The following SLC2A14 variants were observed in gnomAD, a reference collection of about 807,000 sequenced individuals.
SLC2A14 encodes the protein solute carrier family 2 member 14.
SLC2A14 carries 13 observed loss-of-function variants against 43.0 expected under a neutral mutation model. The observed-to-expected ratio is 0.30, with a 90% CI of 0.20 to 0.48. SLC2A14 has a LOEUF of 0.48. Ranked by LOEUF, SLC2A14 falls within the 20% of genes least tolerant of loss-of-function variation. SLC2A14 has a pLI of 0.99. For synonymous variants in SLC2A14, 190 were observed against 233.8 expected (o/e 0.81, Z 1.71); for missense variants, 428 against 620.4 (o/e 0.69, Z 3.29).
intron 2 of SLC2A14, among the ~76,000 whole-genome samples, chr12:7,858,413 C>T (rs944312498): frequency 2.0e-5 from 3 of 152,162 alleles, no homozygotes; most frequent in African/African-American, 7.2e-5. Context: ...CCTTATCATA[C>T]ACATGATTTG....
At chr12:7,869,623 C>T (rs943980012) in intron 2 of SLC2A14, among the ~76,000 whole-genome samples, 1 of 152,100 alleles carries the variant, frequency 6.6e-6, no homozygotes, top group African/African-American at 2.4e-5. Flanking sequence ...TTTTATCATT[C>T]GTCTTGTTCT....
upstream of SLC2A14, among the ~76,000 whole-genome samples, chr12:7,877,005 CTT>C (rs57906469): frequency 0.011 from 1,469 of 132,860 alleles, 12 homozygotes; most frequent in African/African-American, 0.035. Context: ...AATTTTTTTT[CTT>C]TTTTTTTTTT....
At chr12:7,828,294 G>GT (rs1864674700) in intron 6 of SLC2A14, among the ~76,000 whole-genome samples, 1 of 151,954 alleles carries the variant, frequency 6.6e-6, no homozygotes, top group Non-Finnish European at 1.5e-5. Context: ...GAACCTGGGA[G>GT]GCAGAGGTTG....
chr12:7,839,789 G>A (rs1044465148), intron 2 of SLC2A14: 30 of 452,368 alleles, frequency 6.6e-5, no homozygotes, highest in Admixed American at 6.4e-4. Flanking sequence ...AAGGGGCTTC[G>A]GAGGCCAGGC....
chr12:7,831,077 T>C (rs1303804989), intron 4 of SLC2A14, among the ~76,000 whole-genome samples: 3 of 150,040 alleles, frequency 2.0e-5, no homozygotes, highest in Admixed American at 6.7e-5. Flanking sequence ...TGAGCTGAGA[T>C]TGCACCATTG....
At chr12:7,863,976 T>C (rs1241816196) in intron 2 of SLC2A14, among the ~76,000 whole-genome samples, 2 of 151,842 alleles carry the variant, frequency 1.3e-5, no homozygotes, top group African/African-American at 4.8e-5. Flanking sequence ...CCACCATGCC[T>C]GGCTAATTTT....
intron 2 of SLC2A14, among the ~76,000 whole-genome samples, chr12:7,841,179 TAC>T (rs1427847726): frequency 2.0e-5 from 3 of 152,158 alleles, no homozygotes; most frequent in African/African-American, 7.2e-5. Flanking sequence ...GAGCAGAAAG[TAC>T]ACAGAGTTCC....
intron 2 of SLC2A14, among the ~76,000 whole-genome samples, chr12:7,835,371 C>T (rs766374198): frequency 9.9e-5 from 15 of 152,008 alleles, no homozygotes; most frequent in East Asian, 1.9e-4. Context: ...TGGGTGCCAG[C>T]GAGACTGTCT....
intron 6 of SLC2A14, among the ~76,000 whole-genome samples, chr12:7,828,251 G>C (rs1222324518): frequency 6.6e-6 from 1 of 151,904 alleles, no homozygotes; most frequent in Non-Finnish European, 1.5e-5. Flanking sequence ...TGTAGTCCCA[G>C]CTACTCGGGA....
At chr12:7,822,814 G>A (rs952030467) in intron 7 of SLC2A14, among the ~76,000 whole-genome samples, 2 of 152,108 alleles carry the variant, frequency 1.3e-5, no homozygotes, top group African/African-American at 2.4e-5. Context: ...CAAGTTGCTG[G>A]GATTATAGGC....
chr12:7,882,859 A>G (rs1219174324), intron 1 of SLC2A14, among the ~76,000 whole-genome samples: 1 of 148,704 alleles, frequency 6.7e-6, no homozygotes, highest in Non-Finnish European at 1.5e-5. Context: ...AGACTTGTTC[A>G]CCACTTGGAA....
chr12:7,842,008 AAG>A (rs1565535485), intron 2 of SLC2A14, among the ~76,000 whole-genome samples: 1 of 151,086 alleles, frequency 6.6e-6, no homozygotes, highest in Non-Finnish European at 1.5e-5. Flanking sequence ...TCTGTCTCAA[AAG>A]AAAAAAAAAA....
intron 1 of SLC2A14, among the ~76,000 whole-genome samples, chr12:7,881,392 G>A (rs1320048394): frequency 6.6e-6 from 1 of 151,830 alleles, no homozygotes; most frequent in Non-Finnish European, 1.5e-5. Flanking sequence ...GGCCGGCCCT[G>A]GTGGCCCCGG....
intron 2 of SLC2A14, among the ~76,000 whole-genome samples, chr12:7,862,834 CTG>C (rs1251287010): frequency 2.0e-5 from 3 of 152,084 alleles, no homozygotes; most frequent in Admixed American, 6.6e-5. Context: ...CTTGGAGAAT[CTG>C]TGTGTGGAAA....
rs1300514243 is a variant in SLC2A14, at chr12:7,814,094, G to A, written c.*222C>T. The A allele has an allele frequency of 2.5e-5, 16 of 641,592 alleles. No homozygotes were observed. Among genetic ancestry groups the A allele is most frequent in the South Asian group, 4.7e-5 (2 of 42,576 alleles). The allele number at this position is 641,592 out of a possible 1,614,324, so 39.7% of individuals were successfully genotyped here. A position where few individuals can be genotyped will look rare whatever the true frequency, so the allele number is the denominator to read the frequency against. On this transcript the variant is annotated 3_prime_UTR_variant, in exon 11 of 11. Transcript: ENST00000431042. ...TCCTGAAATGAAGGTAGGTTCACTC[G>A]GTCTCTCCTAAGCAGAAGAGGATGT...
intron 2 of SLC2A14, among the ~76,000 whole-genome samples, chr12:7,835,100 T>TAAAAAAA (rs35514872): frequency 6.9e-6 from 1 of 144,072 alleles, no homozygotes; most frequent in African/African-American, 2.6e-5. Flanking sequence ...GTAGCTCTAT[T>TAAAAAAA]AAAAAAAAAA....
At chr12:7,875,600 G>A (rs186360494), upstream of SLC2A14, among the ~76,000 whole-genome samples, 40 of 152,166 alleles carry the variant, frequency 2.6e-4, 1 homozygote, top group African/African-American at 9.4e-4. Context: ...CCAGTGTGAT[G>A]GTATTAGGGT....
intron 2 of SLC2A14, among the ~76,000 whole-genome samples, chr12:7,858,511 C>T (rs774946920): frequency 2.0e-5 from 3 of 151,822 alleles, no homozygotes; most frequent in Non-Finnish European, 4.4e-5. Context: ...TTTTCTTTTT[C>T]TTTTTGAGAT....
chr12:7,886,912 C>CT (rs11442108), intron 1 of SLC2A14, among the ~76,000 whole-genome samples: 39,696 of 131,782 alleles, frequency 0.3, 6,431 homozygotes, highest in African/African-American at 0.36. Context: ...TAATGATTTT[C>CT]TTTTTTTTTT....
Sources: allele counts gnomAD v4.1 joint callset (sites outside exome capture counted in the v4.1 genomes callset), GRCh38; gene constraint gnomAD v4.1.1; transcripts MANE v1.5; gene names NCBI Gene and HGNC (gene_info 2026-07-23, HGNC 2026-07-21).